The following RBFOX1 variants were observed in gnomAD, a reference collection of about 807,000 sequenced individuals.
The protein encoded by RBFOX1 is RNA binding fox-1 homolog 1, also known as RNA binding protein fox-1 homolog 1.
A neutral mutation model predicts 57.7 loss-of-function variants in RBFOX1; 8 were observed. The ratio of observed to expected loss-of-function variants is 0.14; its 90% confidence interval spans 0.08 to 0.25. RBFOX1 has a LOEUF of 0.25. Ranked by LOEUF, RBFOX1 falls within the 10% of genes least tolerant of loss-of-function variation. RBFOX1 has a pLI of 1.00. For synonymous variants in RBFOX1, 326 were observed against 222.4 expected, an observed-to-expected ratio of 1.47 and a Z score of -4.15; for missense variants, 611 against 548.5, an observed-to-expected ratio of 1.11 and a Z score of -1.14.
rs185729148 is a variant in RBFOX1 at position 5,813,314 on chromosome 16, C to T, written c.319-53989C>T. 3.7e-4 allele frequency among the ~76,000 whole-genome samples: 57 copies of T among 152,212 alleles called. No homozygotes were observed. In the Middle Eastern group the frequency reaches 0.01, roughly 27 times the overall value. ...TACAATTCAGTGGTGTTAAATGCAC[C>T]CACAACATTGTACAACCATTATGGT... On this transcript the variant is annotated intron_variant, in intron 3 of 19. Transcript: ENST00000641259.
At chr16:6,491,007 A>G (rs1320827751) in intron 2 of RBFOX1, among the ~76,000 whole-genome samples, 2 of 152,150 alleles carry the variant, frequency 1.3e-5, no homozygotes, top group African/African-American at 4.8e-5. Flanking sequence ...TTCAGTGGGA[A>G]AATAAATGAG....
At chr16:7,651,167 A>G (rs1029201492) in intron 11 of RBFOX1, among the ~76,000 whole-genome samples, 2 of 152,232 alleles carry the variant, frequency 1.3e-5, no homozygotes, top group African/African-American at 4.8e-5. Flanking sequence ...CCGCATTGTG[A>G]TAGAAAGATG....
chr16:5,853,972 C>G (rs950140702), intron 3 of RBFOX1, among the ~76,000 whole-genome samples: 6 of 152,220 alleles, frequency 3.9e-5, no homozygotes, highest in Non-Finnish European at 5.9e-5. Flanking sequence ...TAATTACAAA[C>G]TAATCCCTTA....
intron 5 of RBFOX1, among the ~76,000 whole-genome samples, chr16:7,530,793 A>C (rs2079867084): frequency 6.6e-6 from 1 of 152,182 alleles, no homozygotes; most frequent in Non-Finnish European, 1.5e-5. Flanking sequence ...CCCTGGTAGA[A>C]ACATAACCAG....
intron 4 of RBFOX1, among the ~76,000 whole-genome samples, chr16:5,886,598 G>A (rs982767379): frequency 2.0e-5 from 3 of 152,130 alleles, no homozygotes; most frequent in Admixed American, 6.6e-5. Context: ...TATTCAAATC[G>A]TCTCTTTGGC....
At chr16:6,740,989 T>TAG (rs1221882345) in intron 3 of RBFOX1, among the ~76,000 whole-genome samples, 1 of 152,130 alleles carries the variant, frequency 6.6e-6, no homozygotes, top group Non-Finnish European at 1.5e-5. Context: ...ACTCCAGTCA[T>TAG]CATCGCTATG....
chr16:5,266,757 C>A (rs1471778726), intron 1 of RBFOX1, among the ~76,000 whole-genome samples: 1 of 151,834 alleles, frequency 6.6e-6, no homozygotes, highest in Non-Finnish European at 1.5e-5. Context: ...GGGGGTCTCA[C>A]TATATTGCCC....
intron 3 of RBFOX1, among the ~76,000 whole-genome samples, chr16:6,855,578 G>C: frequency 6.6e-6 from 1 of 150,418 alleles, no homozygotes; most frequent in South Asian, 2.1e-4. Context: ...GCGTGAACCC[G>C]AGAGGTGGAG....
rs966400605 is a variant in RBFOX1, at chr16:7,021,550, ATTTATAAAATATATTATAT to A, written c.-15-30492_-15-30474del. ...TTATAAAATTTTATAAAATTTTTAT[ATTTATAAAATATATTATAT>A]TTTATAAAATATATAAAAGTAAAAT... On this transcript the variant is annotated intron_variant, in intron 3 of 15. Coordinates refer to ENST00000550418, the MANE Select transcript of RBFOX1 (RefSeq NM_018723.4). Among the ~76,000 whole-genome samples, 4 of 145,300 alleles carry A rather than the reference ATTTATAAAATATATTATAT, an allele frequency of 2.8e-5. No individual in the cohort carries two copies. The South Asian group carries it at 6.3e-4, about 23-fold the overall frequency.
intron 2 of RBFOX1, among the ~76,000 whole-genome samples, chr16:5,496,702 C>G (rs576224480): frequency 6.6e-6 from 1 of 152,152 alleles, no homozygotes; most frequent in Non-Finnish European, 1.5e-5. Flanking sequence ...GGTTTCTGTA[C>G]TGAACTCCCT....
chr16:5,503,481 G>T (rs2043271394), intron 2 of RBFOX1, among the ~76,000 whole-genome samples: 1 of 152,222 alleles, frequency 6.6e-6, no homozygotes, highest in African/African-American at 2.4e-5. Flanking sequence ...CTGTCGCCCA[G>T]GCTGGAGTGC....
intron 3 of RBFOX1, among the ~76,000 whole-genome samples, chr16:6,828,430 A>G (rs1029490873): frequency 6.6e-6 from 1 of 152,068 alleles, no homozygotes; most frequent in Non-Finnish European, 1.5e-5. Context: ...AGACTGAGGC[A>G]GGAGAATCAC....
At chr16:5,554,291 A>G (rs1876197697) in intron 2 of RBFOX1, among the ~76,000 whole-genome samples, 1 of 152,104 alleles carries the variant, frequency 6.6e-6, no homozygotes, top group Non-Finnish European at 1.5e-5. Context: ...TATTCTATTG[A>G]CAATAATGAC....
chr16:6,887,635 G>T (rs1283763596), intron 3 of RBFOX1, among the ~76,000 whole-genome samples: 2 of 151,026 alleles, frequency 1.3e-5, no homozygotes, highest in African/African-American at 4.9e-5. Context: ...GTTTTAGAAG[G>T]GTTTGGTTGT....
chr16:5,729,682 G>A (rs953809999), intron 3 of RBFOX1, among the ~76,000 whole-genome samples: 1 of 152,044 alleles, frequency 6.6e-6, no homozygotes, highest in African/African-American at 2.4e-5. Flanking sequence ...CTCCACTCAG[G>A]TATTTGGGTA....
intron 3 of RBFOX1, among the ~76,000 whole-genome samples, chr16:5,714,974 G>T (rs1192306399): frequency 6.6e-6 from 1 of 152,182 alleles, no homozygotes; most frequent in Admixed American, 6.5e-5. Context: ...CAGTTGTGTT[G>T]AGTTGAATAA....
At chr16:6,691,647 G>A (rs550442241) in intron 3 of RBFOX1, among the ~76,000 whole-genome samples, 25 of 152,142 alleles carry the variant, frequency 1.6e-4, no homozygotes, top group Non-Finnish European at 3.1e-4. Flanking sequence ...GCTTACAAAC[G>A]TAAAATGACC....
At chr16:7,542,669 A>G (rs2083263274) in intron 5 of RBFOX1, among the ~76,000 whole-genome samples, 1 of 146,194 alleles carries the variant, frequency 6.8e-6, no homozygotes, top group Non-Finnish European at 1.5e-5. Flanking sequence ...AGCCTGGCCA[A>G]CATGGTGAAA....
At position 6,883,540 on chromosome 16, in the gene RBFOX1, G is replaced by A. The variant is rs1461379532; in HGVS notation, c.-15-168517G>A. Among the ~76,000 whole-genome samples the A allele has an allele frequency of 2.6e-5, 4 of 152,276 alleles. No individual in the cohort carries two copies. The East Asian group carries it at 7.7e-4, about 29-fold the overall frequency. ...TTGTGTAAAGGGATCTTCCTAAACG[G>A]CACACTGCCATATGTAACTGCTCAG... On this transcript the variant is annotated intron_variant, in intron 3 of 15. Coordinates refer to ENST00000550418, the MANE Select transcript of RBFOX1 (RefSeq NM_018723.4).
Sources: allele counts gnomAD v4.1 joint callset (sites outside exome capture counted in the v4.1 genomes callset), GRCh38; gene constraint gnomAD v4.1.1; transcripts MANE v1.5; gene names NCBI Gene and HGNC (gene_info 2026-07-23, HGNC 2026-07-21).